SV2C: variants seen among roughly 807,000 people sequenced by gnomAD.
SV2C encodes the protein solute carrier family 22 member B3.
SV2C carries 49 observed loss-of-function variants against 79.7 expected under a neutral mutation model. That is an observed-to-expected ratio of 0.61 (90% CI 0.49 to 0.78). SV2C has a LOEUF of 0.78. SV2C is among the 30% of genes least tolerant of loss of function. SV2C has a pLI of 0.00. For missense variants in SV2C, 833 were observed against 912.9 expected, an observed-to-expected ratio of 0.91 and a Z score of 1.13; for synonymous variants, 334 against 333.2, an observed-to-expected ratio of 1.00 and a Z score of -0.03.
At chr5:76,039,396 G>A in the SV2C span, among the ~76,000 whole-genome samples, 4 of 152,254 alleles carry the variant, frequency 2.6e-5, no homozygotes, top group East Asian at 5.8e-4. Context: ...TTAAATTTCA[G>A]TGCATAGAAT....
chr5:76,270,958 G>A (rs1275542743), intron 4 of SV2C, among the ~76,000 whole-genome samples: 2 of 151,742 alleles, frequency 1.3e-5, no homozygotes, highest in Non-Finnish European at 2.9e-5. Flanking sequence ...TAGTAGAGAC[G>A]GGGTTTCACC....
At chr5:76,324,984 C>T (rs1038059805) in intron 12 of SV2C, among the ~76,000 whole-genome samples, 8 of 152,178 alleles carry the variant, frequency 5.3e-5, no homozygotes, top group African/African-American at 1.9e-4. Flanking sequence ...TACTATGCCA[C>T]TGCACTCCAG....
the SV2C span, among the ~76,000 whole-genome samples, chr5:76,059,407 GTCCTATCGTAAA>G: frequency 2.0e-5 from 3 of 152,004 alleles, no homozygotes; most frequent in Non-Finnish European, 4.4e-5. Context: ...CTAAGTTTAT[GTCCTATCGTAAA>G]TCCTTTGTTG....
the SV2C span, among the ~76,000 whole-genome samples, chr5:75,984,013 C>G: frequency 6.6e-6 from 1 of 152,130 alleles, no homozygotes; most frequent in Non-Finnish European, 1.5e-5. Context: ...GCCAGCCCAG[C>G]TACTCCAGCT....
chr5:75,848,453 G>A, the SV2C span, among the ~76,000 whole-genome samples: 1 of 152,186 alleles, frequency 6.6e-6, no homozygotes. Flanking sequence ...AAGGATGAAG[G>A]AAGACAGAAC....
intron 12 of SV2C, among the ~76,000 whole-genome samples, chr5:76,350,164 C>G (rs1215634441): frequency 6.6e-6 from 1 of 152,140 alleles, no homozygotes; most frequent in Non-Finnish European, 1.5e-5. Context: ...GTGACCATTA[C>G]CATTTCCTCC....
chr5:76,258,735 A>T (rs151314211), intron 4 of SV2C, among the ~76,000 whole-genome samples: 1 of 152,192 alleles, frequency 6.6e-6, no homozygotes, highest in African/African-American at 2.4e-5. Flanking sequence ...GTACAGTTCA[A>T]TGGATTTTGA....
At chr5:76,066,407 T>C in the SV2C span, among the ~76,000 whole-genome samples, 9 of 127,030 alleles carry the variant, frequency 7.1e-5, no homozygotes, top group Non-Finnish European at 9.4e-5. Flanking sequence ...ATGAGAACAC[T>C]TGGACACAGG....
At chr5:76,251,034 G>GC (rs775236539) in intron 4 of SV2C, among the ~76,000 whole-genome samples, 3 of 152,160 alleles carry the variant, frequency 2.0e-5, no homozygotes. Context: ...CACAGCATGT[G>GC]CATCAGGAGC....
chr5:76,034,507 CAT>C, the SV2C span, among the ~76,000 whole-genome samples: 1 of 152,132 alleles, frequency 6.6e-6, no homozygotes, highest in Admixed American at 6.5e-5. Context: ...TTGAGATAAT[CAT>C]GTGGTTTTTG....
At chr5:76,205,068 G>A (rs531728043) in intron 3 of SV2C, among the ~76,000 whole-genome samples, 23 of 152,124 alleles carry the variant, frequency 1.5e-4, no homozygotes, top group African/African-American at 5.3e-4. Flanking sequence ...TAGATTATTG[G>A]GGAAAATAAA....
chr5:75,932,470 C>T, the SV2C span, among the ~76,000 whole-genome samples: 1 of 152,278 alleles, frequency 6.6e-6, no homozygotes, highest in Non-Finnish European at 1.5e-5. Context: ...GGGCTAACAG[C>T]CTTCAGAGCT....
downstream of SV2C, among the ~76,000 whole-genome samples, chr5:76,338,946 G>A (rs919915260): frequency 1.3e-5 from 2 of 151,800 alleles, no homozygotes; most frequent in Non-Finnish European, 2.9e-5. Context: ...GTGAGCCACC[G>A]CTCCCGGCTT....
At chr5:76,120,456 T>C (rs1748447155) in intron 1 of SV2C, among the ~76,000 whole-genome samples, 1 of 147,462 alleles carries the variant, frequency 6.8e-6, no homozygotes, top group South Asian at 2.1e-4. Context: ...CATGCTGGTA[T>C]GCTGCACCCA....
chr5:75,864,830 C>T, the SV2C span, among the ~76,000 whole-genome samples: 1 of 152,208 alleles, frequency 6.6e-6, no homozygotes, highest in Non-Finnish European at 1.5e-5. Flanking sequence ...ACAGATTTAA[C>T]ACCAAGAAAA....
At chr5:75,902,708 A>AT in the SV2C span, among the ~76,000 whole-genome samples, 25,465 of 152,004 alleles carry the variant, frequency 0.17, 6,357 homozygotes, top group African/African-American at 0.55. Flanking sequence ...TTCCCTTTGG[A>AT]CTCTAACATT....
chr5:76,042,981 G>A, the SV2C span, among the ~76,000 whole-genome samples: 1 of 152,228 alleles, frequency 6.6e-6, no homozygotes, highest in Non-Finnish European at 1.5e-5. Context: ...CAATAGAATA[G>A]TGGTTAGATG....
the SV2C span, among the ~76,000 whole-genome samples, chr5:75,875,855 C>A: frequency 6.6e-6 from 1 of 151,858 alleles, no homozygotes; most frequent in Non-Finnish European, 1.5e-5. Context: ...TAGATAAATG[C>A]AAATAAAAAC....
the SV2C span, among the ~76,000 whole-genome samples, chr5:75,917,531 G>C: frequency 1.3e-5 from 2 of 152,160 alleles, no homozygotes; most frequent in African/African-American, 4.8e-5. Context: ...GATGGAACTG[G>C]AGGTCATTAT....
Sources: allele counts gnomAD v4.1 joint callset (sites outside exome capture counted in the v4.1 genomes callset), GRCh38; gene constraint gnomAD v4.1.1; transcripts MANE v1.5; gene names NCBI Gene and HGNC (gene_info 2026-07-23, HGNC 2026-07-21).